Variants in TMEM59 observed in about 807,000 individuals in gnomAD.
TMEM59 encodes the protein dendritic cell factor 1.
Under a neutral mutation model 42.2 loss-of-function variants are expected in TMEM59, and 44 were observed. The ratio of observed to expected loss-of-function variants is 1.04; its 90% CI spans 0.82 to 1.34. The LOEUF is 1.34. TMEM59 is among the 40% of genes most tolerant of loss of function. The pLI is 0.00. For missense variants in TMEM59, 359 were observed against 382.8 expected (o/e 0.94, Z 0.52); for synonymous variants, 148 against 145.8 (o/e 1.02, Z -0.11).
chr1:54,032,059 T>G lies in TMEM59; in HGVS notation c.*91A>C. The G allele has an allele frequency of 8.5e-7, 1 of 1,181,362 alleles. No individual in the cohort carries two copies. The highest frequency in any genetic ancestry group is 3.0e-5 in the Admixed American group (1 of 33,310). The allele number at this position is 1,181,362 out of a possible 1,614,324, so 73.2% of individuals were successfully genotyped here. ...TTATTTGCATTTTATAGTGATTTCT[T>G]AAGGCCTATATCCAATGAAACCATT... On this transcript the variant is annotated 3_prime_UTR_variant, in exon 8 of 8. Transcript: ENST00000234831.
chr1:54,041,970 T>G (rs1002363219), intron 4 of TMEM59, among the ~76,000 whole-genome samples, 165 bp from the exon 5 acceptor site: 4 of 151,846 alleles, frequency 2.6e-5, no homozygotes, highest in African/African-American at 9.7e-5. Context: ...TAATTGCACT[T>G]CCTAAACATC....
At chr1:54,043,605 C>A in intron 3 of TMEM59, 80 bp from the exon 4 acceptor site, 1 of 966,106 alleles carries the variant, frequency 1.0e-6, no homozygotes, top group East Asian at 3.5e-5. Flanking sequence ...AAGATTACTC[C>A]AATCCTTATT....
intron 7 of TMEM59, among the ~76,000 whole-genome samples, chr1:54,036,272 C>T (rs148842060): frequency 1.0e-3 from 159 of 151,588 alleles, no homozygotes; most frequent in South Asian, 2.1e-3. Flanking sequence ...ACAGATGAGA[C>T]TCTGCCTCAA....
intron 1 of TMEM59, among the ~76,000 whole-genome samples, chr1:54,050,830 G>A (rs1343780379): frequency 6.6e-6 from 1 of 151,836 alleles, no homozygotes; most frequent in African/African-American, 2.4e-5. Flanking sequence ...CCAAAGTGCT[G>A]GGATTACAGG....
At chr1:54,039,117 G>A (rs1657052151) in intron 6 of TMEM59, among the ~76,000 whole-genome samples, 1 of 152,024 alleles carries the variant, frequency 6.6e-6, no homozygotes. Flanking sequence ...CAAAGTGCTG[G>A]GATTACATGC....
Position 54,041,787 on chromosome 1 carries a change from AC to A in TMEM59, c.561del (p.Gln187HisfsTer13), listed in dbSNP as rs1323715871. The A allele has an allele frequency of 6.2e-7, 1 of 1,613,120 alleles. No homozygotes were observed. ...GGCTCCTGCTCCAAATGTGGTGCGT[AC>A]TGGATTTCTGGCTTAGACTAAAATA... ...IVIFQSKPEI[Q>X]YAPHLEQEPT... On this transcript the variant is annotated frameshift_variant, in exon 5 of 8. Transcript: ENST00000234831. LOFTEE classifies it high-confidence loss of function.
rs202004864 is a variant in TMEM59 at position 54,043,400 on chromosome 1, G to A, written c.516C>T (p.Ala172=). 4.6e-5 allele frequency: 72 copies of A among 1,553,734 alleles called. No homozygotes were observed. Among genetic ancestry groups the A allele is most frequent in the East Asian group, 4.5e-4 (19 of 42,572 alleles). The change falls in exon 4 of 8, where the codon GCC becomes GCT. Residue 172 remains alanine (A), a synonymous_variant. Transcript: ENST00000234831. The part of the protein sequence containing the change: ...ITSSWTFYLQ[A]DDGKIVIFQS... ...GGAATATAACTATTTTTCCGTCATC[G>A]GCTTGAAGATAAAAAGTCCATGAAG...
chr1:54,038,147 T>C (rs1657015393), intron 6 of TMEM59, among the ~76,000 whole-genome samples: 1 of 152,232 alleles, frequency 6.6e-6, no homozygotes. Flanking sequence ...ATGTTCCTGA[T>C]TCTCTCTATT....
rs1432740766 is a variant in TMEM59, at chr1:54,031,978, C to T, written c.*172G>A. The T allele has an allele frequency of 1.8e-5, 9 of 513,484 alleles. No homozygotes were observed. Among genetic ancestry groups the T allele is most frequent in the Non-Finnish European group, 2.8e-5 (9 of 317,854 alleles). 31.8% of individuals were successfully genotyped at this position (513,484 alleles called of 1,614,324 possible). On this transcript the variant is annotated 3_prime_UTR_variant, in exon 8 of 8. Coordinates refer to ENST00000234831, the MANE Select transcript of TMEM59 (RefSeq NM_004872.5). ...CAAACATCCACCTCTTAAATTACTA[C>T]AAAAACAATACCAATAAAGTTATAG... is the stretch of plus-strand genomic sequence containing the variant.
rs775388753 is a variant in TMEM59, at chr1:54,028,418, T to C, written c.*3732A>G. 2.0e-5 allele frequency: 3 copies of C among 152,232 alleles called. No individual in the cohort carries two copies. Among genetic ancestry groups the C allele is most frequent in the Non-Finnish European group, 2.9e-5 (2 of 68,058 alleles). 9.4% of individuals were successfully genotyped at this position (152,232 alleles called of 1,614,324 possible). A position where few individuals can be genotyped will look rare whatever the true frequency, so the allele number is the denominator to read the frequency against. ...CTGTCCGAGTGAATCATTCCAACAC[T>C]GTATGGCACTCTCTTGCTTAAAATC... On this transcript the variant is annotated 3_prime_UTR_variant, in exon 8 of 8. Transcript: ENST00000234831.
chr1:54,030,221 ATTCT>A lies in TMEM59; in HGVS notation c.*1925_*1928del, dbSNP rs750648727. On this transcript the variant is annotated 3_prime_UTR_variant, in exon 8 of 8. Coordinates refer to ENST00000234831, the MANE Select transcript of TMEM59 (RefSeq NM_004872.5). ...CTCCTGGCCCCAAGTGATCTAGATA[ATTCT>A]TTGTTTTGTTTTTATAAGGGAGGGT... 2 of 151,640 alleles carry A rather than the reference ATTCT, an allele frequency of 1.3e-5. No individual in the cohort carries two copies. Among genetic ancestry groups the A allele is most frequent in the South Asian group, 4.2e-4 (2 of 4,796 alleles). The allele number at this position is 151,640 out of a possible 1,614,324, so 9.4% of individuals were successfully genotyped here. A position where few individuals can be genotyped will look rare whatever the true frequency, so the allele number is the denominator to read the frequency against.
At chr1:54,047,490 C>G in intron 1 of TMEM59, 118 bp from the exon 2 acceptor site, 1 of 785,056 alleles carries the variant, frequency 1.3e-6, no homozygotes, top group Non-Finnish European at 2.1e-6. Context: ...CAGTAAGTTT[C>G]ATAACTGAAA....
intron 1 of TMEM59, among the ~76,000 whole-genome samples, chr1:54,050,637 C>T (rs1557681510): frequency 6.6e-6 from 1 of 151,506 alleles, no homozygotes; most frequent in Non-Finnish European, 1.5e-5. Context: ...GGGCTCACTG[C>T]AACCTCTGTC....
At chr1:54,041,679 T>C (rs575010698) in intron 5 of TMEM59, 45 bp downstream of exon 5, 11 of 1,503,276 alleles carry the variant, frequency 7.3e-6, no homozygotes, top group South Asian at 6.8e-5. Context: ...ACAACCAGAT[T>C]TGACTGCTAA....
intron 2 of TMEM59, among the ~76,000 whole-genome samples, chr1:54,046,285 A>G (rs1195408956): frequency 6.6e-6 from 1 of 152,250 alleles, no homozygotes; most frequent in African/African-American, 2.4e-5. Flanking sequence ...CAGATCACTC[A>G]GTTAAGAAGT....
Position 54,045,789 on chromosome 1 carries a change from GTAAGAGA to G in TMEM59, c.296-10_296-4del. The G allele has an allele frequency of 6.2e-7, 1 of 1,602,298 alleles. No individual in the cohort carries two copies. Among genetic ancestry groups the G allele is most frequent in the East Asian group, 2.2e-5 (1 of 44,614 alleles). On this transcript the variant is annotated splice_polypyrimidine_tract_variant and splice_region_variant and intron_variant, in intron 2 of 7. Transcript: ENST00000234831. ...TTGGGAATATGCTTCTGTACATGCT[GTAAGAGA>G]AAAATAGTCAAATTACAAGAAACAA... is the stretch of plus-strand genomic sequence containing the variant.
In TMEM59 at chr1:54,030,306, CTGTT is replaced by C; in HGVS notation, c.*1840_*1843del. On this transcript the variant is annotated 3_prime_UTR_variant, in exon 8 of 8. Transcript: ENST00000234831. ...TGAGACAGCAGCATTTTGTGTTTCT[CTGTT>C]TGCTTCATTGGATGCATTACAATTA... 1 of 152,218 alleles carries C rather than the reference CTGTT, an allele frequency of 6.6e-6. No individual in the cohort carries two copies. The highest frequency in any genetic ancestry group is 2.1e-4 in the South Asian group (1 of 4,822). The allele number at this position is 152,218 out of a possible 1,614,324, so 9.4% of individuals were successfully genotyped here.
In TMEM59 at chr1:54,053,103, C is replaced by A; in HGVS notation, c.86G>T (p.Gly29Val). The change falls in exon 1 of 8, where the codon GGT becomes GTT. Residue 29 changes from glycine (G) to valine (V), a missense_variant. Gly to Val is a moderately radical substitution (Grantham distance 109). Coordinates refer to ENST00000234831, the MANE Select transcript of TMEM59 (RefSeq NM_004872.5). ...LLLLTMALAG[G>V]SGTASAEAFD... ...TGCTTCAGCCGAAGCGGTCCCCGAA[C>A]CTCCGGCCAAGGCCATGGTCAGCAG... The A allele has an allele frequency of 6.2e-7, 1 of 1,614,272 alleles. No homozygotes were observed. Among genetic ancestry groups the A allele is most frequent in the Non-Finnish European group, 8.5e-7 (1 of 1,180,044 alleles).
intron 7 of TMEM59, among the ~76,000 whole-genome samples, chr1:54,035,081 T>G (rs1417173744): frequency 6.6e-6 from 1 of 152,234 alleles, no homozygotes; most frequent in Non-Finnish European, 1.5e-5. Flanking sequence ...GAAAATACTT[T>G]GTAAATTTTA....
Sources: gnomAD v4.1 joint callset for allele counts (sites outside exome capture counted in the v4.1 genomes callset) on GRCh38, gnomAD v4.1.1 for gene constraint, MANE v1.5 for transcripts, NCBI Gene and HGNC (gene_info 2026-07-23, HGNC 2026-07-21) for gene names.